The following KLF12 variants were observed in gnomAD, a reference collection of about 807,000 sequenced individuals.
The protein encoded by KLF12 is KLF transcription factor 12.
In KLF12, 9 loss-of-function variants were observed where a neutral mutation model predicts 37.8. The ratio of observed to expected loss-of-function variants is 0.24; its 90% CI spans 0.14 to 0.42. The LOEUF is 0.42. Ranked by LOEUF, KLF12 falls within the 10% of genes least tolerant of loss-of-function variation. KLF12 has a pLI of 1.00. For missense variants in KLF12, 411 were observed against 516.0 expected (o/e 0.80, Z 1.97); for synonymous variants, 208 against 202.1 (o/e 1.03, Z -0.25).
chr13:73,805,767 T>A (rs1254438062), intron 5 of KLF12, among the ~76,000 whole-genome samples: 2 of 152,162 alleles, frequency 1.3e-5, no homozygotes, highest in African/African-American at 2.4e-5. Flanking sequence ...AGTCCAAAGC[T>A]AAAAAATTCT....
chr13:74,300,537 T>C, the KLF12 span, among the ~76,000 whole-genome samples: 127,868 of 152,036 alleles, frequency 0.84, 54,119 homozygotes, highest in East Asian at 0.91. Flanking sequence ...AATCTGTCTC[T>C]GGGCTGGTTT....
intron 3 of KLF12, among the ~76,000 whole-genome samples, chr13:73,854,154 T>C (rs1173097642): frequency 6.6e-6 from 1 of 152,232 alleles, no homozygotes; most frequent in East Asian, 1.9e-4. Context: ...TTATTATTCA[T>C]TGCATGACTT....
intron 6 of KLF12, among the ~76,000 whole-genome samples, chr13:73,741,874 T>C (rs1311687638): frequency 6.6e-6 from 1 of 152,256 alleles, no homozygotes; most frequent in East Asian, 1.9e-4. Flanking sequence ...TGAGCACTTA[T>C]GTGCAGAGTG....
At chr13:73,945,908 T>C (rs1300784294) in intron 2 of KLF12, among the ~76,000 whole-genome samples, 1 of 152,178 alleles carries the variant, frequency 6.6e-6, no homozygotes, top group Non-Finnish European at 1.5e-5. Context: ...GGTGAGTTGT[T>C]CTAAACTTGA....
chr13:74,283,009 A>G, the KLF12 span, among the ~76,000 whole-genome samples: 5,378 of 152,284 alleles, frequency 0.035, 313 homozygotes, highest in African/African-American at 0.12. Flanking sequence ...ATTCTTTATG[A>G]CATATTGTAA....
At chr13:74,022,742 A>AC (rs752580866) in intron 1 of KLF12, among the ~76,000 whole-genome samples, 75 of 150,054 alleles carry the variant, frequency 5.0e-4, no homozygotes, top group African/African-American at 1.3e-3. Flanking sequence ...GACCACTCCA[A>AC]CCCCCCCAAC....
At chr13:74,115,235 A>G (rs184073302) in intron 1 of KLF12, among the ~76,000 whole-genome samples, 39 of 152,320 alleles carry the variant, frequency 2.6e-4, no homozygotes, top group Non-Finnish European at 1.5e-4. Flanking sequence ...TCCTGGTAGC[A>G]AAGACCTTAT....
At chr13:74,002,919 A>C (rs1302264737) in intron 1 of KLF12, among the ~76,000 whole-genome samples, 1 of 152,220 alleles carries the variant, frequency 6.6e-6, no homozygotes, top group African/African-American at 2.4e-5. Context: ...CACAGTCAAC[A>C]AAGGTGGGCT....
the KLF12 span, among the ~76,000 whole-genome samples, chr13:74,195,727 T>G: frequency 6.6e-6 from 1 of 152,150 alleles, no homozygotes; most frequent in Admixed American, 6.6e-5. Context: ...GCCTCCCGAA[T>G]AGTTGGGATT....
At chr13:73,959,374 G>C (rs1890950741) in intron 2 of KLF12, among the ~76,000 whole-genome samples, 1 of 151,982 alleles carries the variant, frequency 6.6e-6, no homozygotes, top group Non-Finnish European at 1.5e-5. Context: ...GGGACAGAGG[G>C]AAATTGTTCC....
intron 7 of KLF12, among the ~76,000 whole-genome samples, chr13:73,710,349 T>G (rs755026410): frequency 1.3e-5 from 2 of 151,738 alleles, no homozygotes; most frequent in Non-Finnish European, 2.9e-5. Flanking sequence ...TTTCCTGCAC[T>G]TCACTTTATT....
At chr13:74,104,902 C>G (rs1478470297) in intron 1 of KLF12, among the ~76,000 whole-genome samples, 1 of 152,136 alleles carries the variant, frequency 6.6e-6, no homozygotes, top group Admixed American at 6.6e-5. Context: ...CCCCCTCCCC[C>G]GCGATGTATA....
chr13:74,162,513 C>T, the KLF12 span, among the ~76,000 whole-genome samples: 1 of 152,206 alleles, frequency 6.6e-6, no homozygotes, highest in Non-Finnish European at 1.5e-5. Context: ...AACCTGAAAA[C>T]TTGCCCATTT....
rs147789915 is a variant in KLF12, at chr13:73,862,925, C to T, written c.124-16552G>A. Among the ~76,000 whole-genome samples, 1,192 of 152,258 alleles carry T rather than the reference C, an allele frequency of 7.8e-3. 57 individuals carry two copies. Among genetic ancestry groups the T allele is most frequent in the Admixed American group, 0.069 (1,055 of 15,290 alleles). ...ATTAGCAAACTCACATTATATGATT[C>T]ATTTTCTTCTTAGCATCAGAACTTT... On this transcript the variant is annotated intron_variant, in intron 3 of 7. Coordinates refer to ENST00000377669, the MANE Select transcript of KLF12 (RefSeq NM_007249.5).
chr13:73,968,981 G>A (rs1230031577), intron 2 of KLF12, among the ~76,000 whole-genome samples: 1 of 150,016 alleles, frequency 6.7e-6, no homozygotes, highest in African/African-American at 2.5e-5. Context: ...GTCTAAGAAA[G>A]TTTATATTGC....
intron 1 of KLF12, among the ~76,000 whole-genome samples, chr13:74,011,137 C>T (rs1383766131): frequency 6.6e-6 from 1 of 151,368 alleles, no homozygotes. Flanking sequence ...CATTCATTCA[C>T]TGAATCAACA....
At chr13:73,724,108 T>A (rs11842946) in intron 6 of KLF12, among the ~76,000 whole-genome samples, 23,224 of 152,176 alleles carry the variant, frequency 0.15, 2,921 homozygotes, top group African/African-American at 0.35. Context: ...TTACTGCAGC[T>A]CTATTTACAA....
intron 1 of KLF12, among the ~76,000 whole-genome samples, chr13:74,132,679 A>G (rs1304521294): frequency 3.3e-5 from 5 of 152,190 alleles, no homozygotes; most frequent in Non-Finnish European, 7.3e-5. Flanking sequence ...GACTATTACT[A>G]TTAAAGTATG....
At chr13:74,073,312 T>A (rs985016920) in intron 1 of KLF12, among the ~76,000 whole-genome samples, 7 of 152,208 alleles carry the variant, frequency 4.6e-5, no homozygotes, top group Non-Finnish European at 4.4e-5. Flanking sequence ...CAAGATTTTT[T>A]AAAAAATCAG....
Sources: allele counts gnomAD v4.1 joint callset (sites outside exome capture counted in the v4.1 genomes callset), GRCh38; gene constraint gnomAD v4.1.1; transcripts MANE v1.5; gene names NCBI Gene and HGNC (gene_info 2026-07-23, HGNC 2026-07-21).